The following EPC2 variants were observed in gnomAD, a reference collection of about 807,000 sequenced individuals.
The protein encoded by EPC2 is enhancer of polycomb homolog 2.
EPC2 carries 14 observed loss-of-function variants against 92.1 expected under a neutral mutation model. The observed-to-expected ratio is 0.15, with a 90% CI of 0.10 to 0.24. The LOEUF is 0.24. Ranked by LOEUF, EPC2 falls within the 10% of genes least tolerant of loss-of-function variation. The pLI, the probability that EPC2 is intolerant of heterozygous loss-of-function variation, is 1.00. For synonymous variants in EPC2, 340 were observed against 334.7 expected (o/e 1.02, Z -0.17); for missense variants, 755 against 971.5 (o/e 0.78, Z 2.96).
intron 10 of EPC2, among the ~76,000 whole-genome samples, chr2:148,777,306 G>A (rs1280754932): frequency 2.0e-5 from 3 of 151,960 alleles, no homozygotes; most frequent in Non-Finnish European, 2.9e-5. Flanking sequence ...TCCTCATTAA[G>A]CTATGAAAAT....
At chr2:148,760,169 A>G (rs1683274810) in intron 4 of EPC2, among the ~76,000 whole-genome samples, 2 of 152,186 alleles carry the variant, frequency 1.3e-5, no homozygotes, top group South Asian at 4.1e-4. Context: ...AGGCAGGAGA[A>G]TCGCTTGAAC....
chr2:148,688,216 A>G (rs1051754610), intron 1 of EPC2, among the ~76,000 whole-genome samples: 22 of 152,202 alleles, frequency 1.4e-4, no homozygotes, highest in Non-Finnish European at 2.9e-4. Context: ...TGCACCATGG[A>G]ATACTATGCA....
chr2:148,651,341 A>G (rs1271576490), intron 1 of EPC2, among the ~76,000 whole-genome samples: 1 of 152,186 alleles, frequency 6.6e-6, no homozygotes, highest in African/African-American at 2.4e-5. Flanking sequence ...TGACCATATC[A>G]TTCCCCTGTT....
chr2:148,705,519 A>T (rs1574593859), intron 2 of EPC2, among the ~76,000 whole-genome samples: 1 of 151,968 alleles, frequency 6.6e-6, no homozygotes, highest in Non-Finnish European at 1.5e-5. Context: ...TGGACAGACC[A>T]CCTCCTCAAG....
intron 1 of EPC2, among the ~76,000 whole-genome samples, chr2:148,652,952 A>C (rs986761922): frequency 1.3e-5 from 2 of 152,032 alleles, no homozygotes; most frequent in African/African-American, 4.8e-5. Context: ...AGTCTTTACC[A>C]CTTGAGTTTA....
chr2:148,786,704 T>C lies in EPC2; in HGVS notation c.*327T>C. 1 of 176,678 alleles carries C rather than the reference T, an allele frequency of 5.7e-6. No homozygotes were observed. Among genetic ancestry groups the C allele is most frequent in the Non-Finnish European group, 1.2e-5 (1 of 84,072 alleles). The allele number at this position is 176,678 out of a possible 1,614,324, so 10.9% of individuals were successfully genotyped here. A position where few individuals can be genotyped will look rare whatever the true frequency, so the allele number is the denominator to read the frequency against. ...GGATCATGAGCATGAAATGGGATCC[T>C]GCATCACTTGTTTTAACTATTTATT... On this transcript the variant is annotated 3_prime_UTR_variant, in exon 14 of 14. Coordinates refer to ENST00000258484, the MANE Select transcript of EPC2 (RefSeq NM_015630.4).
chr2:148,663,323 A>G (rs1199651284), intron 1 of EPC2, among the ~76,000 whole-genome samples: 1 of 150,340 alleles, frequency 6.7e-6, no homozygotes, highest in Non-Finnish European at 1.5e-5. Context: ...GGTTCACGCT[A>G]TTCTCCTGCC....
chr2:148,710,828 A>G (rs1216715806), intron 2 of EPC2, among the ~76,000 whole-genome samples: 1 of 152,082 alleles, frequency 6.6e-6, no homozygotes, highest in African/African-American at 2.4e-5. Context: ...GGGGAACATC[A>G]CACACCGGGG....
intron 2 of EPC2, among the ~76,000 whole-genome samples, chr2:148,697,259 G>T (rs1236214453): frequency 6.6e-6 from 1 of 151,610 alleles, no homozygotes; most frequent in African/African-American, 2.4e-5. Flanking sequence ...CACTTTAAAC[G>T]TAGAAATTCA....
At chr2:148,667,943 T>G (rs1235527724) in intron 1 of EPC2, among the ~76,000 whole-genome samples, 1 of 152,174 alleles carries the variant, frequency 6.6e-6, no homozygotes, top group Non-Finnish European at 1.5e-5. Context: ...TTGCCCAGGC[T>G]GGAGTGGTGC....
At chr2:148,671,717 G>A (rs1225900692) in intron 1 of EPC2, among the ~76,000 whole-genome samples, 1 of 152,016 alleles carries the variant, frequency 6.6e-6, no homozygotes, top group Non-Finnish European at 1.5e-5. Flanking sequence ...CATTTACCTG[G>A]TAAACTTTTG....
chr2:148,722,312 TCTC>T (rs942789230), intron 2 of EPC2, among the ~76,000 whole-genome samples: 8 of 152,114 alleles, frequency 5.3e-5, no homozygotes, highest in Non-Finnish European at 1.2e-4. Flanking sequence ...GTATTTCTCT[TCTC>T]CTGCATGGAA....
intron 1 of EPC2, among the ~76,000 whole-genome samples, chr2:148,680,770 A>G (rs1379191546): frequency 1.3e-5 from 2 of 152,250 alleles, no homozygotes. Context: ...ATTTTCATGA[A>G]TTTGAAGACT....
chr2:148,747,197 A>G (rs759051554), intron 3 of EPC2, among the ~76,000 whole-genome samples: 2 of 151,866 alleles, frequency 1.3e-5, no homozygotes, highest in Non-Finnish European at 2.9e-5. Context: ...ACTGCTCTCC[A>G]CTTATCACAC....
intron 2 of EPC2, among the ~76,000 whole-genome samples, chr2:148,721,250 T>C (rs115951559): frequency 6.6e-6 from 1 of 152,086 alleles, no homozygotes; most frequent in African/African-American, 2.4e-5. Context: ...TTTATTTGTC[T>C]GAGAAAGTTT....
At chr2:148,686,335 C>A (rs1364787870) in intron 1 of EPC2, among the ~76,000 whole-genome samples, 1 of 152,186 alleles carries the variant, frequency 6.6e-6, no homozygotes, top group African/African-American at 2.4e-5. Flanking sequence ...ATATTCTGAA[C>A]AGGCTCCACT....
At chr2:148,757,338 T>C (rs1368397927) in intron 4 of EPC2, among the ~76,000 whole-genome samples, 1 of 152,156 alleles carries the variant, frequency 6.6e-6, no homozygotes, top group East Asian at 1.9e-4. Flanking sequence ...ATCGCGCCAC[T>C]GCACTCCAGC....
intron 2 of EPC2, among the ~76,000 whole-genome samples, chr2:148,736,429 G>C (rs955859646): frequency 1.3e-5 from 2 of 152,052 alleles, no homozygotes; most frequent in African/African-American, 4.8e-5. Context: ...TCCTGGCCCA[G>C]ATCTGAAGTC....
At position 148,690,297 on chromosome 2, in the gene EPC2, A is replaced by G. The variant is rs750684773; in HGVS notation, c.237A>G (p.Ala79=). The G allele has an allele frequency of 1.5e-5, 25 of 1,613,018 alleles. No individual in the cohort carries two copies. In the South Asian group the frequency reaches 2.5e-4, roughly 16 times the overall value. The change falls in exon 2 of 14, where the codon GCA becomes GCG. Residue 79 remains alanine (A), a synonymous_variant. Transcript: ENST00000258484. ...KESMVIPVPE[A]ESNVNYYNRL... ...GTATGGTCATTCCTGTTCCTGAGGC[A>G]GAGAGCAACGTCAACTATTACAATC...
Sources: gnomAD v4.1 joint callset for allele counts (sites outside exome capture counted in the v4.1 genomes callset) on GRCh38, gnomAD v4.1.1 for gene constraint, MANE v1.5 for transcripts, NCBI Gene and HGNC (gene_info 2026-07-23, HGNC 2026-07-21) for gene names.